The following ATP8A2 variants were observed in gnomAD, a reference collection of about 807,000 sequenced individuals.
ATP8A2 encodes phospholipid-transporting ATPase IB.
Under a neutral mutation model 165.6 loss-of-function variants are expected in ATP8A2, and 100 were observed. That is an observed-to-expected ratio of 0.60 (90% CI 0.51 to 0.71). The LOEUF (loss-of-function observed/expected upper bound fraction) is 0.71, where lower values mean the gene tolerates loss of function less well. Among genes scored for constraint, ATP8A2 ranks in the 30% least tolerant of loss-of-function variants. The pLI is 0.00. For missense variants in ATP8A2, 1,227 were observed against 1,479.5 expected (o/e 0.83, Z 2.80); for synonymous variants, 543 against 548.8 (o/e 0.99, Z 0.15).
chr13:25,647,938 C>T (rs2137610470), intron 24 of ATP8A2, among the ~76,000 whole-genome samples: 1 of 152,174 alleles, frequency 6.6e-6, no homozygotes, highest in African/African-American at 2.4e-5. Flanking sequence ...GTTTGCCTAC[C>T]TTGGCCTCCC....
chr13:25,729,159 A>G lies in ATP8A2; in HGVS notation c.2384+29814A>G, dbSNP rs560838398. On this transcript the variant is annotated intron_variant, in intron 25 of 36. Transcript: ENST00000381655. ...AGTCAGTTTACTGAATTGCCTTTAC[A>G]TGGCTATGACCTTGAATTGCTTCTG... Among the ~76,000 whole-genome samples, 11 of 151,740 alleles carry G rather than the reference A, an allele frequency of 7.2e-5. 1 individual carries two copies. In the South Asian group the frequency reaches 2.1e-3, roughly 29 times the overall value.
At chr13:26,014,003 G>A (rs896569498) in intron 36 of ATP8A2, among the ~76,000 whole-genome samples, 4 of 152,202 alleles carry the variant, frequency 2.6e-5, no homozygotes, top group Non-Finnish European at 4.4e-5. Flanking sequence ...AAAGTGGGTG[G>A]CCCAGCATTG....
At chr13:25,730,930 C>G (rs551019796) in intron 25 of ATP8A2, among the ~76,000 whole-genome samples, 21 of 151,996 alleles carry the variant, frequency 1.4e-4, no homozygotes, top group Non-Finnish European at 2.5e-4. Context: ...AAAAAATTAG[C>G]CAGGTTGGCG....
intron 27 of ATP8A2, among the ~76,000 whole-genome samples, chr13:25,818,390 A>T (rs1319144142): frequency 3.3e-5 from 5 of 152,194 alleles, no homozygotes; most frequent in African/African-American, 4.8e-5. Flanking sequence ...ATAAATACTG[A>T]TTTGATTCTG....
chr13:26,008,915 T>A (rs1956792169), intron 35 of ATP8A2, among the ~76,000 whole-genome samples: 1 of 152,096 alleles, frequency 6.6e-6, no homozygotes, highest in African/African-American at 2.4e-5. Context: ...AATAAAGTAT[T>A]CCTCTAAACC....
chr13:25,557,793 GA>G (rs2039024526), intron 13 of ATP8A2, among the ~76,000 whole-genome samples: 1 of 152,176 alleles, frequency 6.6e-6, no homozygotes, highest in South Asian at 2.1e-4. Flanking sequence ...AGGATATGGG[GA>G]AAGTTTGCAT....
intron 33 of ATP8A2, among the ~76,000 whole-genome samples, chr13:25,883,624 G>A (rs1174340544): frequency 6.6e-6 from 1 of 152,248 alleles, no homozygotes; most frequent in Non-Finnish European, 1.5e-5. Context: ...GGGATGACTA[G>A]AGAGACAGTC....
intron 2 of ATP8A2, among the ~76,000 whole-genome samples, chr13:25,511,935 G>A (rs1322778302): frequency 3.3e-5 from 5 of 151,666 alleles, no homozygotes; most frequent in Admixed American, 6.6e-5. Flanking sequence ...TCTCGCAGAG[G>A]GGGATTTGGC....
intron 28 of ATP8A2, among the ~76,000 whole-genome samples, chr13:25,830,259 C>T (rs1047900943): frequency 6.6e-6 from 1 of 152,058 alleles, no homozygotes; most frequent in African/African-American, 2.4e-5. Flanking sequence ...GCAGTCCTCC[C>T]TCCTAGGCCT....
chr13:25,383,549 C>T (rs1219695149), intron 1 of ATP8A2, among the ~76,000 whole-genome samples: 3 of 152,202 alleles, frequency 2.0e-5, no homozygotes, highest in Non-Finnish European at 4.4e-5. Context: ...TTAACAGTGT[C>T]TTTTGCAGGG....
intron 34 of ATP8A2, among the ~76,000 whole-genome samples, chr13:25,964,025 C>T (rs1292617279): frequency 3.3e-5 from 5 of 152,224 alleles, no homozygotes; most frequent in Non-Finnish European, 5.9e-5. Flanking sequence ...GTGGAGGTGC[C>T]CGCAGGGCAA....
chr13:25,889,609 C>T (rs1260908226), intron 33 of ATP8A2, among the ~76,000 whole-genome samples: 1 of 151,804 alleles, frequency 6.6e-6, no homozygotes, highest in East Asian at 2.0e-4. Context: ...CTGCATCCTC[C>T]TTCCCCAGTG....
intron 1 of ATP8A2, among the ~76,000 whole-genome samples, chr13:25,414,190 T>G (rs1462951939): frequency 1.7e-5 from 2 of 119,518 alleles, no homozygotes; most frequent in African/African-American, 8.6e-5. Context: ...TGTGGTGTTT[T>G]TTTTTTTTTT....
At chr13:25,757,625 A>G (rs2044291596) in intron 25 of ATP8A2, among the ~76,000 whole-genome samples, 2 of 151,750 alleles carry the variant, frequency 1.3e-5, no homozygotes, top group East Asian at 3.9e-4. Flanking sequence ...TGGGTTGATG[A>G]CTCCCATATT....
intron 25 of ATP8A2, among the ~76,000 whole-genome samples, chr13:25,715,272 G>A (rs2043232934): frequency 6.6e-6 from 1 of 152,174 alleles, no homozygotes. Flanking sequence ...AGTGCAATGT[G>A]AAACCTTTGA....
At chr13:25,604,414 CAA>C in intron 24 of ATP8A2, among the ~76,000 whole-genome samples, 1 of 152,190 alleles carries the variant, frequency 6.6e-6, no homozygotes, top group East Asian at 1.9e-4. Flanking sequence ...CTGGAGAAAA[CAA>C]AAGAAGTTTA....
intron 23 of ATP8A2, among the ~76,000 whole-genome samples, chr13:25,585,088 G>A (rs1373651219): frequency 6.6e-6 from 1 of 152,148 alleles, no homozygotes; most frequent in Non-Finnish European, 1.5e-5. Flanking sequence ...TCCAAGACAT[G>A]TGTGTCTCCT....
intron 25 of ATP8A2, among the ~76,000 whole-genome samples, chr13:25,700,147 A>T (rs1470061102): frequency 6.6e-6 from 1 of 152,178 alleles, no homozygotes; most frequent in East Asian, 1.9e-4. Flanking sequence ...CCTTTAAGTC[A>T]GGAAACCTGG....
chr13:25,503,478 G>A (rs552105248), intron 2 of ATP8A2, among the ~76,000 whole-genome samples: 10 of 152,246 alleles, frequency 6.6e-5, no homozygotes, highest in Non-Finnish European at 1.2e-4. Flanking sequence ...TAGGTGAGAC[G>A]CTTGGCACTG....
Sources: gnomAD v4.1 joint callset for allele counts (sites outside exome capture counted in the v4.1 genomes callset) on GRCh38, gnomAD v4.1.1 for gene constraint, MANE v1.5 for transcripts, NCBI Gene and HGNC (gene_info 2026-07-23, HGNC 2026-07-21) for gene names.